SUCLG2: variants seen among roughly 807,000 people sequenced by gnomAD.
SUCLG2 encodes succinate--CoA ligase [GDP-forming] subunit beta, mitochondrial.
Under a neutral mutation model 47.9 loss-of-function variants are expected in SUCLG2, and 42 were observed. The ratio of observed to expected loss-of-function variants is 0.88; its 90% CI spans 0.69 to 1.14. The LOEUF (loss-of-function observed/expected upper bound fraction) is 1.14, where lower values mean the gene tolerates loss of function less well. SUCLG2 is among the 50% of genes most tolerant of loss of function. The probability of loss-of-function intolerance (pLI) is 0.00; values close to 1 mark genes in which losing one functional copy is unlikely to be tolerated. For missense variants in SUCLG2, 571 were observed against 525.9 expected (o/e 1.09, Z -0.84); for synonymous variants, 195 against 197.3 (o/e 0.99, Z 0.10).
intron 2 of SUCLG2, among the ~76,000 whole-genome samples, chr3:67,534,190 T>A (rs1452726879): frequency 6.6e-6 from 1 of 152,154 alleles, no homozygotes; most frequent in Non-Finnish European, 1.5e-5. Flanking sequence ...GATAAGGCTT[T>A]CATGTAAGTT....
intron 9 of SUCLG2, among the ~76,000 whole-genome samples, chr3:67,425,597 C>T (rs1457185169): frequency 1.3e-5 from 2 of 152,190 alleles, no homozygotes; most frequent in Non-Finnish European, 2.9e-5. Context: ...TCTGCCATTG[C>T]CATCCCTGGT....
At chr3:67,531,557 T>C (rs187812416) in intron 2 of SUCLG2, among the ~76,000 whole-genome samples, 2 of 152,314 alleles carry the variant, frequency 1.3e-5, no homozygotes, top group Non-Finnish European at 2.9e-5. Context: ...AAGTATTCCA[T>C]GCAAAACAGT....
Position 67,452,610 on chromosome 3 carries a change from C to T in SUCLG2, c.1062+43188G>A, listed in dbSNP as rs748724146. ...CAAATTCCTTGTCAAATTTACTAAA[C>T]AATCCACATCCAGTTTAGCTCTTCC... On this transcript the variant is annotated intron_variant, in intron 9 of 10. Transcript: ENST00000307227. Among the ~76,000 whole-genome samples the T allele has an allele frequency of 2.2e-4, 33 of 152,292 alleles. 1 individual carries two copies. Among genetic ancestry groups the T allele is most frequent in the Middle Eastern group, 3.4e-3 (1 of 294 alleles).
intron 9 of SUCLG2, among the ~76,000 whole-genome samples, chr3:67,474,391 C>T (rs1202969580): frequency 2.6e-5 from 4 of 152,056 alleles, no homozygotes; most frequent in Admixed American, 6.6e-5. Flanking sequence ...CCAAATGAAG[C>T]TTATTTGCTA....
chr3:67,602,200 A>G (rs1208032505), intron 2 of SUCLG2, among the ~76,000 whole-genome samples: 1 of 152,168 alleles, frequency 6.6e-6, no homozygotes, highest in Non-Finnish European at 1.5e-5. Context: ...TGAAATGCTC[A>G]GCACAATACC....
chr3:67,426,874 C>G (rs928369970), intron 9 of SUCLG2, among the ~76,000 whole-genome samples: 17 of 152,136 alleles, frequency 1.1e-4, no homozygotes, highest in African/African-American at 3.9e-4. Flanking sequence ...TTGCAGTGAG[C>G]TGAGATCTTG....
intron 9 of SUCLG2, among the ~76,000 whole-genome samples, chr3:67,439,870 G>T (rs1186490566): frequency 6.6e-6 from 1 of 152,100 alleles, no homozygotes; most frequent in Admixed American, 6.6e-5. Context: ...CACAGAATTA[G>T]AAAAATCTAC....
intron 1 of SUCLG2, among the ~76,000 whole-genome samples, chr3:67,627,830 C>T (rs1559603613): frequency 6.6e-6 from 1 of 152,170 alleles, no homozygotes; most frequent in Non-Finnish European, 1.5e-5. Flanking sequence ...CTGAAACCAG[C>T]CAAGCAGCAG....
chr3:67,477,461 G>C (rs537576764), intron 9 of SUCLG2, among the ~76,000 whole-genome samples: 2 of 152,324 alleles, frequency 1.3e-5, no homozygotes, highest in African/African-American at 4.8e-5. Flanking sequence ...TTGGGAGGCC[G>C]AGGCAGGCAG....
chr3:67,498,417 C>T (rs535659495), intron 7 of SUCLG2, 122 bp from the exon 8 acceptor site: 212 of 1,076,256 alleles, frequency 2.0e-4, no homozygotes, highest in Non-Finnish European at 2.5e-4. Flanking sequence ...TCACATGTTA[C>T]AGGCAGGAGA....
chr3:67,623,351 A>G (rs76118789), intron 1 of SUCLG2, among the ~76,000 whole-genome samples: 7 of 152,026 alleles, frequency 4.6e-5, no homozygotes. Flanking sequence ...ATACAAAAAA[A>G]TTAGCTGGGC....
intron 9 of SUCLG2, among the ~76,000 whole-genome samples, chr3:67,481,077 ATC>A (rs1411059734): frequency 1.9e-4 from 29 of 152,216 alleles, no homozygotes; most frequent in Admixed American, 3.3e-4. Flanking sequence ...TTCTTACATA[ATC>A]TGTGATGATG....
intron 9 of SUCLG2, among the ~76,000 whole-genome samples, chr3:67,407,898 C>A (rs1340365960): frequency 6.6e-6 from 1 of 152,024 alleles, no homozygotes; most frequent in African/African-American, 2.4e-5. Context: ...GTCTTCTAAT[C>A]CACTGGCAGC....
intron 2 of SUCLG2, among the ~76,000 whole-genome samples, chr3:67,591,658 A>T (rs914929591): frequency 6.6e-6 from 1 of 152,166 alleles, no homozygotes; most frequent in Non-Finnish European, 1.5e-5. Flanking sequence ...AGACCTCCCC[A>T]GCCATGTGGA....
At chr3:67,654,262 C>G (rs1425555772) in intron 1 of SUCLG2, among the ~76,000 whole-genome samples, 3 of 152,234 alleles carry the variant, frequency 2.0e-5, no homozygotes, top group Non-Finnish European at 4.4e-5. Context: ...ACAGCGGAGA[C>G]TCTAGTGCGT....
intron 9 of SUCLG2, among the ~76,000 whole-genome samples, chr3:67,482,642 C>A (rs115082849): frequency 6.6e-6 from 1 of 152,136 alleles, no homozygotes; most frequent in Non-Finnish European, 1.5e-5. Context: ...TTATAAAACA[C>A]AGAAAATATC....
At chr3:67,450,488 T>C (rs1396253482) in intron 9 of SUCLG2, among the ~76,000 whole-genome samples, 1 of 152,200 alleles carries the variant, frequency 6.6e-6, no homozygotes, top group Non-Finnish European at 1.5e-5. Context: ...GAATACACTT[T>C]CTCAATTTTC....
At chr3:67,634,261 C>T (rs935602597) in intron 1 of SUCLG2, among the ~76,000 whole-genome samples, 1 of 152,280 alleles carries the variant, frequency 6.6e-6, no homozygotes, top group African/African-American at 2.4e-5. Context: ...AGGACCACTA[C>T]CATCACCAAG....
At chr3:67,589,590 T>A (rs1708104405) in intron 2 of SUCLG2, among the ~76,000 whole-genome samples, 2 of 152,192 alleles carry the variant, frequency 1.3e-5, no homozygotes, top group South Asian at 4.1e-4. Flanking sequence ...AGCCTATATA[T>A]CCCCTGCCAT....
Sources: allele counts gnomAD v4.1 joint callset (sites outside exome capture counted in the v4.1 genomes callset), GRCh38; gene constraint gnomAD v4.1.1; transcripts MANE v1.5; gene names NCBI Gene and HGNC (gene_info 2026-07-23, HGNC 2026-07-21).